The following SRD5A2 variants were observed in gnomAD, a reference collection of about 807,000 sequenced individuals.
SRD5A2 encodes steroid 5 alpha-reductase 2.
A neutral mutation model predicts 27.4 loss-of-function variants in SRD5A2; 30 were observed. That is an observed-to-expected ratio of 1.10 (90% CI 0.82 to 1.49). The LOEUF (loss-of-function observed/expected upper bound fraction) is 1.49, where lower values mean the gene tolerates loss of function less well. SRD5A2 is among the 40% of genes most tolerant of loss of function. The pLI, the probability that SRD5A2 is intolerant of heterozygous loss-of-function variation, is 0.00. For missense variants in SRD5A2, 348 were observed against 323.4 expected (o/e 1.08, Z -0.58); for synonymous variants, 141 against 133.6 (o/e 1.06, Z -0.38).
chr2:31,630,236 G>A, the SRD5A2 span, among the ~76,000 whole-genome samples: 2 of 152,122 alleles, frequency 1.3e-5, no homozygotes, highest in African/African-American at 4.8e-5. Flanking sequence ...CTGGAACTGG[G>A]TCTATGAAAA....
the SRD5A2 span, among the ~76,000 whole-genome samples, chr2:31,625,858 C>T: frequency 1.3e-5 from 2 of 152,122 alleles, no homozygotes; most frequent in African/African-American, 4.8e-5. Flanking sequence ...TTTTCTGGTT[C>T]CATACGAACT....
chr2:31,615,202 G>C, the SRD5A2 span, among the ~76,000 whole-genome samples: 6,254 of 152,254 alleles, frequency 0.041, 429 homozygotes, highest in African/African-American at 0.14. Flanking sequence ...GTGGGGTGCT[G>C]CTGTTAAGAT....
the SRD5A2 span, among the ~76,000 whole-genome samples, chr2:31,619,719 T>A: frequency 6.6e-6 from 1 of 152,178 alleles, no homozygotes; most frequent in African/African-American, 2.4e-5. Context: ...ATATGATTGT[T>A]GGCCATATGT....
At chr2:31,602,606 T>G in the SRD5A2 span, among the ~76,000 whole-genome samples, 305 of 151,730 alleles carry the variant, frequency 2.0e-3, no homozygotes, top group African/African-American at 6.7e-3. Flanking sequence ...CCAAGATAAT[T>G]CTAAGCAAAA....
chr2:31,548,915 C>A (rs1388752537), intron 1 of SRD5A2, among the ~76,000 whole-genome samples: 2 of 152,016 alleles, frequency 1.3e-5, no homozygotes, highest in East Asian at 1.9e-4. Flanking sequence ...AAAATTCTAA[C>A]ACGTACTATA....
At chr2:31,627,644 C>T in the SRD5A2 span, among the ~76,000 whole-genome samples, 2 of 152,000 alleles carry the variant, frequency 1.3e-5, no homozygotes, top group Non-Finnish European at 2.9e-5. Flanking sequence ...TTGGCTGTTT[C>T]CCAGAGCTTC....
chr2:31,537,382 C>T (rs1022222695), intron 1 of SRD5A2, among the ~76,000 whole-genome samples: 8 of 152,186 alleles, frequency 5.3e-5, no homozygotes, highest in Admixed American at 5.2e-4. Flanking sequence ...CTCCTTCCCC[C>T]TCCTCCCATG....
the SRD5A2 span, among the ~76,000 whole-genome samples, chr2:31,642,339 A>C: frequency 1.3e-5 from 2 of 152,206 alleles, no homozygotes; most frequent in African/African-American, 4.8e-5. Flanking sequence ...CTGACCAAGT[A>C]CTTTTTGACC....
the SRD5A2 span, among the ~76,000 whole-genome samples, chr2:31,589,164 G>T: frequency 2.0e-5 from 3 of 152,126 alleles, no homozygotes; most frequent in African/African-American, 7.2e-5. Context: ...ACAGATTTAG[G>T]ATGCCAAGCA....
At chr2:31,571,011 GA>G (rs1387957013) in intron 1 of SRD5A2, among the ~76,000 whole-genome samples, 1 of 152,048 alleles carries the variant, frequency 6.6e-6, no homozygotes, top group African/African-American at 2.4e-5. Context: ...CACAGAATTA[GA>G]AAAAAACTAT....
At chr2:31,634,449 G>A in the SRD5A2 span, among the ~76,000 whole-genome samples, 9 of 152,244 alleles carry the variant, frequency 5.9e-5, no homozygotes, top group African/African-American at 2.2e-4. Flanking sequence ...TATATCTGAA[G>A]AGACAGTGGT....
the SRD5A2 span, among the ~76,000 whole-genome samples, chr2:31,603,735 C>A: frequency 6.6e-6 from 1 of 151,878 alleles, no homozygotes; most frequent in Non-Finnish European, 1.5e-5. Context: ...GAGACCATGT[C>A]GCATGCAAGG....
intron 1 of SRD5A2, among the ~76,000 whole-genome samples, chr2:31,543,411 T>C (rs1454520928): frequency 6.6e-6 from 1 of 152,156 alleles, no homozygotes; most frequent in African/African-American, 2.4e-5. Context: ...GTGGTATTAT[T>C]ATAACAATGT....
chr2:31,528,284 T>C (rs994302426), intron 4 of SRD5A2, among the ~76,000 whole-genome samples: 2 of 152,144 alleles, frequency 1.3e-5, no homozygotes, highest in Non-Finnish European at 2.9e-5. Context: ...AGGGTGGGTG[T>C]CAGGGAAGGA....
the SRD5A2 span, among the ~76,000 whole-genome samples, chr2:31,586,808 T>A: frequency 6.6e-6 from 1 of 152,068 alleles, no homozygotes; most frequent in Non-Finnish European, 1.5e-5. Context: ...AAGCCTACAA[T>A]AAATCCTAAC....
chr2:31,654,668 G>A, the SRD5A2 span, among the ~76,000 whole-genome samples: 6 of 152,126 alleles, frequency 3.9e-5, no homozygotes, highest in African/African-American at 4.8e-5. Flanking sequence ...AAACAGTGTT[G>A]CATCCACTCA....
intron 1 of SRD5A2, among the ~76,000 whole-genome samples, chr2:31,556,459 A>G (rs1207356025): frequency 1.3e-5 from 2 of 152,254 alleles, no homozygotes; most frequent in Admixed American, 1.3e-4. Flanking sequence ...GACTACATTA[A>G]GAATCCTTAG....
At chr2:31,611,971 T>C in the SRD5A2 span, among the ~76,000 whole-genome samples, 1 of 152,084 alleles carries the variant, frequency 6.6e-6, no homozygotes, top group Non-Finnish European at 1.5e-5. Context: ...AAATACAACT[T>C]AACAGTATAT....
intron 4 of SRD5A2, 149 bp from the exon 5 acceptor site, chr2:31,526,411 T>C: frequency 1.6e-6 from 1 of 632,832 alleles, no homozygotes; most frequent in South Asian, 1.9e-5. Flanking sequence ...TATTTCTCCT[T>C]CCCACAGCCT....
Sources: allele counts gnomAD v4.1 joint callset (sites outside exome capture counted in the v4.1 genomes callset), GRCh38; gene constraint gnomAD v4.1.1; transcripts MANE v1.5; gene names NCBI Gene and HGNC (gene_info 2026-07-23, HGNC 2026-07-21).